MVP: variants seen among roughly 807,000 people sequenced by gnomAD.
The protein encoded by MVP is major vault protein.
A neutral mutation model predicts 83.5 loss-of-function variants in MVP; 62 were observed. The ratio of observed to expected loss-of-function variants is 0.74; its 90% CI spans 0.61 to 0.92. The LOEUF (loss-of-function observed/expected upper bound fraction) is 0.92. Ranked by LOEUF, MVP falls within the 40% of genes least tolerant of loss-of-function variation. The pLI is 0.00. For synonymous variants in MVP, 505 were observed against 504.1 expected (o/e 1.00, Z -0.02); for missense variants, 1,000 against 1,203.4 (o/e 0.83, Z 2.50).
intron 3 of MVP, chr16:29,831,626 C>T (rs1365443559): frequency 2.2e-6 from 1 of 456,190 alleles, no homozygotes; most frequent in East Asian, 6.9e-5. Context: ...GAACTGTTGG[C>T]CCATCTCACC....
intron 1 of MVP, among the ~76,000 whole-genome samples, chr16:29,827,397 T>G (rs2150751203): frequency 6.6e-6 from 1 of 152,216 alleles, no homozygotes; most frequent in East Asian, 1.9e-4. Context: ...AAGCAGCCGA[T>G]CAGAGTTGTA....
chr16:29,835,029 A>G (rs1361826327), intron 5 of MVP: 1 of 151,866 alleles, frequency 6.6e-6, no homozygotes, highest in Non-Finnish European at 1.5e-5. Flanking sequence ...CTATATATCA[A>G]AACTGGGATG....
Position 29,830,800 on chromosome 16 carries a change from T to C in MVP, c.126-78T>C, listed in dbSNP as rs1160550945. On this transcript the variant is annotated intron_variant, in intron 2 of 14. Transcript: ENST00000357402. Reference sequence around the variant, plus strand: ...GGCCCTCGCTTGGGCGATAGAGAGGTTTCTCTCTCATTTGGTGTCCTCTTT... The same window carrying C: ...GGCCCTCGCTTGGGCGATAGAGAGGCTTCTCTCTCATTTGGTGTCCTCTTT... 18 of 1,553,454 alleles carry C rather than the reference T, an allele frequency of 1.2e-5. No homozygotes were observed. In the Admixed American group the frequency reaches 3.1e-4, roughly 26 times the overall value.
rs1043260383 is a variant in MVP, at chr16:29,844,475, G to T, written c.1635-18G>T. 6.6e-7 allele frequency: 1 copy of T among 1,524,354 alleles called. No individual in the cohort carries two copies. The allele number at this position is 1,524,354 out of a possible 1,614,324, so 94.4% of individuals were successfully genotyped here. Reference sequence around the variant, plus strand: ...TGGGTGAAAGCAGCTTCCCCATTCTGGGCCTGTTTGTTCACAGGCACTTTG... The same window carrying T: ...TGGGTGAAAGCAGCTTCCCCATTCTTGGCCTGTTTGTTCACAGGCACTTTG... On this transcript the variant is annotated intron_variant, in intron 10 of 14. Coordinates refer to ENST00000357402, the MANE Select transcript of MVP (RefSeq NM_005115.5).
Position 29,830,586 on chromosome 16 carries a change from T to C in MVP, c.37T>C (p.Tyr13His). The C allele has an allele frequency of 6.2e-7, 1 of 1,613,946 alleles. No homozygotes were observed. The highest frequency in any genetic ancestry group is 8.5e-7 in the Non-Finnish European group (1 of 1,179,960). ...AGAGTTCATCATCCGCATCCCCCCATACCACTATATCCATGTGCTGGACCA... is the reference window on the plus strand; with the variant it reads ...AGAGTTCATCATCCGCATCCCCCCACACCACTATATCCATGTGCTGGACCA... ...TEEFIIRIPP[Y>H]HYIHVLDQNS... is the part of the protein sequence containing the mutation. The change falls in exon 2 of 15, where the codon TAC becomes CAC. Residue 13 changes from tyrosine to histidine, a missense_variant. Tyr to His is a moderately conservative substitution (Grantham distance 83). Transcript: ENST00000357402.
At position 29,835,776 on chromosome 16, in the gene MVP, A is replaced by G; in HGVS notation, c.650A>G (p.Asp217Gly). ...AVFEEVLDLV[D>G]AVILTEKTAL... The stretch of plus-strand genomic sequence containing the variant: ...TTTGAGGAGGTTCTGGATTTGGTGG[A>G]CGCCGTCATCCTTACGGAAAAGGTT... Residue 217 changes from aspartate to glycine, a missense_variant, in exon 6 of 15, where the codon GAC (aspartate) becomes GGC (glycine). By Grantham distance (94) the Asp-to-Gly change is moderately conservative (BLOSUM62 -1). Coordinates refer to ENST00000357402, the MANE Select transcript of MVP (RefSeq NM_005115.5). 1 of 1,613,748 alleles carries G rather than the reference A, an allele frequency of 6.2e-7. No homozygotes were observed. Among genetic ancestry groups the G allele is most frequent in the East Asian group, 2.2e-5 (1 of 44,878 alleles).
At chr16:29,835,480 CAA>C (rs59649743) in intron 5 of MVP, 1,244 of 72,748 alleles carry the variant, frequency 0.017, no homozygotes, top group South Asian at 0.038. Context: ...GACTCCGTCT[CAA>C]AAAAAAAAAA....
In MVP at chr16:29,830,961, A is replaced by G. The variant is rs2067437257; in HGVS notation, c.209A>G (p.Gln70Arg). The G allele has an allele frequency of 6.2e-7, 1 of 1,613,964 alleles. No homozygotes were observed. Among genetic ancestry groups the G allele is most frequent in the Non-Finnish European group, 8.5e-7 (1 of 1,179,976 alleles). ...GCCAACCCTGTGTCTCGGGATGCCCAGGGCTTGGTGCTGTTTGATGTCACA... is the reference window on the plus strand; with the variant it reads ...GCCAACCCTGTGTCTCGGGATGCCCGGGGCTTGGTGCTGTTTGATGTCACA... Reference protein sequence around the residue: ...TVANPVSRDAQGLVLFDVTGQ... With the variant: ...TVANPVSRDARGLVLFDVTGQ... The change falls in exon 3 of 15, where the codon CAG becomes CGG. Residue 70 changes from glutamine (Q) to arginine (R), a missense_variant. Coordinates refer to ENST00000357402, the MANE Select transcript of MVP (RefSeq NM_005115.5).
Position 29,846,153 on chromosome 16 carries a change from C to T in MVP, c.2139-5C>T. On this transcript the variant is annotated splice_region_variant and splice_polypyrimidine_tract_variant and intron_variant, in intron 12 of 14. Transcript: ENST00000357402. ...GGGTCTTACCTGACTCTGCCTTCTC[C>T]CCAGCATGGCCGTGGAGAGCACCGG... The T allele has an allele frequency of 6.2e-7, 1 of 1,609,124 alleles. No homozygotes were observed.
In MVP at chr16:29,846,073, G is replaced by C. The variant is rs925775695; in HGVS notation, c.2139-85G>C. 1.1e-5 allele frequency: 18 copies of C among 1,607,558 alleles called. No individual in the cohort carries two copies. In the African/African-American group the frequency reaches 2.4e-4, roughly 21 times the overall value. ...GCAGGCCTGGGTGGGGTGTCGATGAGACAGTGCACGGCTACAGCATAAGCC... is the reference window on the plus strand; with the variant it reads ...GCAGGCCTGGGTGGGGTGTCGATGACACAGTGCACGGCTACAGCATAAGCC... On this transcript the variant is annotated intron_variant, in intron 12 of 14. Transcript: ENST00000357402.
rs770191827 is a variant in MVP at position 29,836,751 on chromosome 16, C to A, written c.702C>A (p.Asn234Lys). ...KTALHLRARR[N>K]FRDFRGVSRR... Reference sequence around the variant, plus strand: ...CCCTGCACCTCCGGGCTCGGCGGAACTTCCGGGACTTCAGGGGAGTGTCCC... The same window carrying A: ...CCCTGCACCTCCGGGCTCGGCGGAAATTCCGGGACTTCAGGGGAGTGTCCC... Residue 234 changes from asparagine (N) to lysine (K), a missense_variant, in exon 7 of 15, where the codon AAC becomes AAA. Physicochemically the swap from Asn to Lys is moderately conservative, Grantham distance 94. Coordinates refer to ENST00000357402, the MANE Select transcript of MVP (RefSeq NM_005115.5). The A allele has an allele frequency of 3.1e-5, 49 of 1,602,922 alleles. No homozygotes were observed. Among genetic ancestry groups the A allele is most frequent in the African/African-American group, 4.0e-5 (3 of 74,700 alleles).
At chr16:29,832,201 G>C (rs562919920) in intron 3 of MVP, among the ~76,000 whole-genome samples, 17 of 152,076 alleles carry the variant, frequency 1.1e-4, no homozygotes, top group African/African-American at 4.1e-4. Flanking sequence ...CAGTTTGGGG[G>C]AAGAAGTGTG....
chr16:29,841,786 G>A lies in MVP; in HGVS notation c.1382G>A (p.Arg461His), dbSNP rs763155766. The A allele has an allele frequency of 9.3e-6, 15 of 1,613,382 alleles. No homozygotes were observed. Among genetic ancestry groups the A allele is most frequent in the Admixed American group, 6.7e-5 (4 of 60,018 alleles). The change falls in exon 9 of 15, where the codon CGC becomes CAC. Residue 461 changes from arginine to histidine, a missense_variant. Arg to His is a conservative substitution (Grantham distance 29, BLOSUM62 0). Transcript: ENST00000357402. The surrounding 1 kb of genome is among the most constrained non-coding windows in gnomAD (Gnocchi z 4.7). ...PRNKTRVVSYRVPHNAAVQVY... is the reference protein window; with the variant it reads ...PRNKTRVVSYHVPHNAAVQVY... ...AACAAGACCCGTGTGGTCAGCTACC[G>A]CGTGCCCCACAACGCTGCGGTGCAG...
In MVP at chr16:29,840,167, C is replaced by T. The variant is rs780773902; in HGVS notation, c.910-11C>T. The stretch of plus-strand genomic sequence containing the variant: ...AAAGGCACTGACCCTAACCTCACGT[C>T]TCCCCACTAGGGAGAGAAGTCTTTT... On this transcript the variant is annotated splice_polypyrimidine_tract_variant and intron_variant, in intron 7 of 14. Coordinates refer to ENST00000357402, the MANE Select transcript of MVP (RefSeq NM_005115.5). 2.5e-6 allele frequency: 4 copies of T among 1,596,036 alleles called. No homozygotes were observed. Among genetic ancestry groups the T allele is most frequent in the Non-Finnish European group, 2.6e-6 (3 of 1,170,098 alleles).
intron 5 of MVP, 127 bp downstream of exon 5, chr16:29,834,193 C>A: frequency 7.7e-7 from 1 of 1,303,452 alleles, no homozygotes; most frequent in Non-Finnish European, 1.0e-6. Flanking sequence ...CTTTTGAAAG[C>A]TGTTGAGGGC....
At chr16:29,834,868 T>TC (rs2067473328) in intron 5 of MVP, 2 of 93,452 alleles carry the variant, frequency 2.1e-5, no homozygotes, top group Non-Finnish European at 2.0e-5. Flanking sequence ...TTTTTTTTTG[T>TC]ATTTTTTTTT....
At chr16:29,836,688 A>C in intron 6 of MVP, 34 bp from the exon 7 acceptor site, 5 of 1,500,390 alleles carry the variant, frequency 3.3e-6, no homozygotes, top group Non-Finnish European at 4.5e-6. Flanking sequence ...AGTTGGAGGC[A>C]GGTCACTCAA....
At chr16:29,826,925 C>CAA (rs779179408) in intron 1 of MVP, among the ~76,000 whole-genome samples, 787 of 70,848 alleles carry the variant, frequency 0.011, 12 homozygotes, top group African/African-American at 0.032. Flanking sequence ...GAGTCCATCT[C>CAA]AAAAAAAAAA....
intron 1 of MVP, among the ~76,000 whole-genome samples, chr16:29,828,948 C>T (rs936500135): frequency 1.3e-5 from 2 of 152,240 alleles, no homozygotes; most frequent in Non-Finnish European, 1.5e-5. Context: ...CTGTATCCAG[C>T]CTTGATTCTG....
Sources: allele counts gnomAD v4.1 joint callset (sites outside exome capture counted in the v4.1 genomes callset), GRCh38; gene constraint gnomAD v4.1.1; non-coding constraint Gnocchi (gnomAD v3.1); transcripts MANE v1.5; gene names NCBI Gene and HGNC (gene_info 2026-07-23, HGNC 2026-07-21).